The following FGF14 variants were observed in gnomAD, a reference collection of about 807,000 sequenced individuals.
FGF14 encodes the protein fibroblast growth factor homologous factor 4.
Under a neutral mutation model 25.5 loss-of-function variants are expected in FGF14, and 5 were observed. The observed-to-expected ratio is 0.20, with a 90% confidence interval of 0.10 to 0.41. The LOEUF (loss-of-function observed/expected upper bound fraction) is 0.41, where lower values mean the gene tolerates loss of function less well. Among genes scored for constraint, FGF14 ranks in the 10% least tolerant of loss-of-function variants. The probability of loss-of-function intolerance (pLI) is 1.00; values close to 1 mark genes in which losing one functional copy is unlikely to be tolerated. For synonymous variants in FGF14, 138 were observed against 118.3 expected (o/e 1.17, Z -1.08); for missense variants, 222 against 320.1 (o/e 0.69, Z 2.34).
intron 1 of FGF14, among the ~76,000 whole-genome samples, chr13:102,386,321 T>C (rs1056312790): frequency 6.6e-6 from 1 of 151,940 alleles, no homozygotes; most frequent in Non-Finnish European, 1.5e-5. Flanking sequence ...TTAGTAGAGA[T>C]GGGGTTTGCC....
At chr13:101,724,597 A>AATATAT (rs201033233) in intron 4 of FGF14, among the ~76,000 whole-genome samples, 1,309 of 121,128 alleles carry the variant, frequency 0.011, 15 homozygotes, top group African/African-American at 0.016. Context: ...ATAATAATAA[A>AATATAT]ATATATATAT....
intron 1 of FGF14, among the ~76,000 whole-genome samples, chr13:102,279,677 T>G (rs1383641475): frequency 1.3e-5 from 2 of 152,160 alleles, no homozygotes; most frequent in African/African-American, 2.4e-5. Flanking sequence ...TCAATTATAT[T>G]TTTTCTTTCC....
intron 1 of FGF14, among the ~76,000 whole-genome samples, chr13:101,911,649 A>T (rs141168734): frequency 6.6e-6 from 1 of 152,266 alleles, no homozygotes; most frequent in Non-Finnish European, 1.5e-5. Flanking sequence ...TTCTCATAAG[A>T]TTCCCTGCTT....
intron 1 of FGF14, among the ~76,000 whole-genome samples, chr13:102,022,483 TTTA>T (rs2040710254): frequency 6.6e-6 from 1 of 152,098 alleles, no homozygotes; most frequent in African/African-American, 2.4e-5. Flanking sequence ...TTGTTGCTGT[TTTA>T]TTTTTTCCTC....
intron 1 of FGF14, among the ~76,000 whole-genome samples, chr13:102,370,632 T>C (rs1174185606): frequency 6.6e-6 from 1 of 151,962 alleles, no homozygotes; most frequent in Admixed American, 6.6e-5. Context: ...AAAATCATTA[T>C]GTGTCAGACA....
At chr13:102,090,934 C>T (rs891542951) in intron 1 of FGF14, among the ~76,000 whole-genome samples, 2 of 152,152 alleles carry the variant, frequency 1.3e-5, no homozygotes, top group South Asian at 4.1e-4. Context: ...AACTTAGTGG[C>T]TCTCAGTTCT....
intron 1 of FGF14, among the ~76,000 whole-genome samples, chr13:102,224,040 G>A (rs1350609744): frequency 2.0e-5 from 3 of 152,050 alleles, no homozygotes; most frequent in African/African-American, 7.2e-5. Flanking sequence ...CTATCATTTG[G>A]CTTCTCTTTT....
chr13:101,771,030 A>G (rs2038736216), intron 3 of FGF14, among the ~76,000 whole-genome samples: 1 of 152,158 alleles, frequency 6.6e-6, no homozygotes, highest in Non-Finnish European at 1.5e-5. Context: ...AACTGTGTGA[A>G]TATTTTCAAT....
rs569248272 is a variant in FGF14 at position 101,801,328 on chromosome 13, A to C, written c.408+67397T>G. ...ATTATATATTTACTGCATATTCAGT[A>C]TATGCTCAATGCAGATGTTGACAAT... On this transcript the variant is annotated intron_variant, in intron 3 of 4. Transcript: ENST00000376143. Among the ~76,000 whole-genome samples the C allele has an allele frequency of 6.6e-5, 10 of 152,222 alleles. No individual in the cohort carries two copies. The South Asian group carries it at 2.1e-3, about 32-fold the overall frequency.
At chr13:101,875,715 A>G (rs961071598) in intron 1 of FGF14, among the ~76,000 whole-genome samples, 5 of 151,962 alleles carry the variant, frequency 3.3e-5, no homozygotes, top group African/African-American at 1.2e-4. Flanking sequence ...CTTTTACTTA[A>G]GTTGACAAGT....
At chr13:101,956,800 T>C (rs2036544891) in intron 1 of FGF14, among the ~76,000 whole-genome samples, 1 of 151,136 alleles carries the variant, frequency 6.6e-6, no homozygotes, top group Admixed American at 6.6e-5. Context: ...GTAAAAGTAT[T>C]TACTGAAAAT....
At chr13:101,979,785 A>C in intron 1 of FGF14, among the ~76,000 whole-genome samples, 1 of 152,248 alleles carries the variant, frequency 6.6e-6, no homozygotes, top group East Asian at 1.9e-4. Flanking sequence ...ACAGCTTTAC[A>C]TAGAACTGAT....
chr13:102,059,870 CA>C (rs1291466473), intron 1 of FGF14, among the ~76,000 whole-genome samples: 28 of 139,766 alleles, frequency 2.0e-4, no homozygotes, highest in South Asian at 2.3e-4. Context: ...AAAACAAAAA[CA>C]AAAAAAAAAG....
chr13:101,786,928 C>G (rs9300694), intron 3 of FGF14, among the ~76,000 whole-genome samples: 137,800 of 152,122 alleles, frequency 0.91, 63,920 homozygotes, highest in East Asian at 1. Flanking sequence ...TGGATTTTCT[C>G]AACACACAAG....
intron 1 of FGF14, among the ~76,000 whole-genome samples, chr13:102,118,757 TAAA>T (rs138992084): frequency 1.3e-5 from 2 of 152,110 alleles, no homozygotes; most frequent in Non-Finnish European, 2.9e-5. Context: ...TTATGTCACT[TAAA>T]AAATAAATCT....
chr13:102,136,179 C>T (rs1045416727), intron 1 of FGF14, among the ~76,000 whole-genome samples: 1 of 151,982 alleles, frequency 6.6e-6, no homozygotes, highest in African/African-American at 2.4e-5. Context: ...AAATATTATT[C>T]ATATCTAGAA....
intron 1 of FGF14, among the ~76,000 whole-genome samples, chr13:102,069,315 C>T (rs1017495454): frequency 6.6e-6 from 1 of 152,042 alleles, no homozygotes; most frequent in Non-Finnish European, 1.5e-5. Context: ...GGATTGTAAA[C>T]GCACCAATCA....
intron 1 of FGF14, among the ~76,000 whole-genome samples, chr13:102,133,634 T>G (rs898284707): frequency 6.6e-6 from 1 of 152,232 alleles, no homozygotes; most frequent in Non-Finnish European, 1.5e-5. Context: ...TTGCAAATCT[T>G]TTTAAAACAG....
intron 1 of FGF14, chr13:102,293,480 T>C (rs992110031): frequency 1.6e-4 from 24 of 152,272 alleles, no homozygotes; most frequent in African/African-American, 5.8e-4. Flanking sequence ...AGAAGGCATA[T>C]GGCCGGCTGC....
Sources: allele counts gnomAD v4.1 joint callset (sites outside exome capture counted in the v4.1 genomes callset), GRCh38; gene constraint gnomAD v4.1.1; transcripts MANE v1.5; gene names NCBI Gene and HGNC (gene_info 2026-07-23, HGNC 2026-07-21).